The following CDYL2 variants were observed in gnomAD, a reference collection of about 807,000 sequenced individuals.
CDYL2 encodes the protein chromodomain Y-like protein 2.
In CDYL2, 23 loss-of-function variants were observed where a neutral mutation model predicts 49.4. That is an observed-to-expected ratio of 0.47 (90% CI 0.34 to 0.66). The LOEUF (loss-of-function observed/expected upper bound fraction) is 0.66. Among genes scored for constraint, CDYL2 ranks in the 30% least tolerant of loss-of-function variants. CDYL2 has a pLI of 0.01. For synonymous variants in CDYL2, 360 were observed against 268.8 expected (o/e 1.34, Z -3.32); for missense variants, 678 against 656.4 (o/e 1.03, Z -0.36).
intron 1 of CDYL2, among the ~76,000 whole-genome samples, chr16:80,779,047 T>C (rs1305123295): frequency 6.6e-6 from 1 of 151,960 alleles, no homozygotes; most frequent in African/African-American, 2.4e-5. Context: ...TGCTTACATA[T>C]TTTGTCATGA....
At chr16:80,757,366 C>A (rs1221822628) in intron 1 of CDYL2, among the ~76,000 whole-genome samples, 3 of 151,688 alleles carry the variant, frequency 2.0e-5, no homozygotes, top group Non-Finnish European at 4.4e-5. Flanking sequence ...ATAGCAAGAC[C>A]CTGTCTTTAC....
chr16:80,792,867 TGGAAC>T (rs1333667361), intron 1 of CDYL2, among the ~76,000 whole-genome samples: 1 of 152,062 alleles, frequency 6.6e-6, no homozygotes, highest in Non-Finnish European at 1.5e-5. Flanking sequence ...CCCCTTCCCA[TGGAAC>T]AGCCTACCAG....
intron 1 of CDYL2, among the ~76,000 whole-genome samples, chr16:80,763,221 G>C (rs1906592176): frequency 1.3e-5 from 2 of 151,186 alleles, no homozygotes; most frequent in African/African-American, 4.9e-5. Context: ...CAACTTTATA[G>C]AATGTAATAA....
intron 1 of CDYL2, among the ~76,000 whole-genome samples, chr16:80,759,140 G>GTT (rs1906437427): frequency 2.4e-5 from 1 of 42,178 alleles, no homozygotes; most frequent in African/African-American, 1.2e-4. Flanking sequence ...ATATATATAT[G>GTT]GTTTATATAA....
intron 1 of CDYL2, among the ~76,000 whole-genome samples, chr16:80,712,918 T>C (rs1434950521): frequency 6.6e-6 from 1 of 152,018 alleles, no homozygotes; most frequent in African/African-American, 2.4e-5. Flanking sequence ...TGATAGCAAA[T>C]GTGGACTTCC....
chr16:80,720,328 C>G (rs943301925), intron 1 of CDYL2, among the ~76,000 whole-genome samples: 9 of 152,186 alleles, frequency 5.9e-5, no homozygotes, highest in African/African-American at 1.9e-4. Context: ...GAGACAAAAA[C>G]TAGGCACTGG....
chr16:80,725,447 T>G (rs1905134377), intron 1 of CDYL2, among the ~76,000 whole-genome samples: 1 of 152,232 alleles, frequency 6.6e-6, no homozygotes, highest in Non-Finnish European at 1.5e-5. Context: ...TGTAGCTGGC[T>G]CTATATCTGT....
chr16:80,707,200 C>G (rs1904435031), intron 1 of CDYL2, among the ~76,000 whole-genome samples: 1 of 152,176 alleles, frequency 6.6e-6, no homozygotes. Flanking sequence ...CAGTGGCTTA[C>G]ACTGGTAATC....
intron 2 of CDYL2, among the ~76,000 whole-genome samples, chr16:80,646,487 C>T (rs1421531412): frequency 2.6e-5 from 4 of 151,806 alleles, no homozygotes; most frequent in Admixed American, 2.6e-4. Flanking sequence ...GACAGAGTGG[C>T]TGAATTAAAA....
intron 1 of CDYL2, among the ~76,000 whole-genome samples, chr16:80,719,186 C>A (rs980453924): frequency 6.6e-6 from 1 of 152,058 alleles, no homozygotes; most frequent in African/African-American, 2.4e-5. Context: ...GTCACTGACC[C>A]CCGTGAATGC....
intron 2 of CDYL2, among the ~76,000 whole-genome samples, chr16:80,680,088 T>C (rs1444627181): frequency 6.6e-6 from 1 of 152,200 alleles, no homozygotes; most frequent in Non-Finnish European, 1.5e-5. Flanking sequence ...ATGATAATCA[T>C]GTTGAAAGAG....
intron 6 of CDYL2, 69 bp downstream of exon 6, chr16:80,608,023 G>T: frequency 2.0e-6 from 3 of 1,479,348 alleles, no homozygotes; most frequent in Non-Finnish European, 2.7e-6. Flanking sequence ...AGCCCTCTGA[G>T]CCTTGCTGTC....
chr16:80,787,904 C>A (rs1177861048), intron 1 of CDYL2, among the ~76,000 whole-genome samples: 1 of 152,098 alleles, frequency 6.6e-6, no homozygotes, highest in African/African-American at 2.4e-5. Context: ...TTGCTAGAAT[C>A]TGGGATTATC....
rs550180555 is a variant in CDYL2 at position 80,763,421 on chromosome 16, T to A, written c.24+40729A>T. 6.5e-5 allele frequency among the ~76,000 whole-genome samples: 5 copies of A among 76,916 alleles called. No homozygotes were observed. In the East Asian group the frequency reaches 1.8e-3, roughly 28 times the overall value. 50.5% of individuals were successfully genotyped at this position (76,916 alleles called of 152,430 possible). On this transcript the variant is annotated intron_variant, in intron 1 of 6. Coordinates refer to ENST00000570137, the MANE Select transcript of CDYL2 (RefSeq NM_152342.4). ...AGGTCAGAGATCAGCCTGGCCAACA[T>A]GGTGAAACCCTGTCTCTATCAAAAA...
At chr16:80,770,352 G>C (rs768971358) in intron 1 of CDYL2, among the ~76,000 whole-genome samples, 20 of 152,136 alleles carry the variant, frequency 1.3e-4, no homozygotes, top group Admixed American at 2.0e-4. Flanking sequence ...AGAACCAGAA[G>C]GAATTATTCA....
At chr16:80,787,080 A>T (rs1907461180) in intron 1 of CDYL2, among the ~76,000 whole-genome samples, 1 of 152,148 alleles carries the variant, frequency 6.6e-6, no homozygotes, top group Non-Finnish European at 1.5e-5. Flanking sequence ...TAAAAAAAAA[A>T]GACGAAGAAG....
Position 80,604,505 on chromosome 16 carries a change from T to G in CDYL2, c.1404A>C (p.Lys468Asn). ...TCTCGTTCACGTCTTCCAGCACTGA[T>G]TTCAGGAAGCTCCGCACGAGGCATT... ...ESKCLVRSFL[K>N]SVLEDVNEKE... The change falls in exon 7 of 7, where the codon AAA becomes AAC. Residue 468 changes from lysine (K) to asparagine (N), a missense_variant. Around this residue, in one of 3 missense-constraint regions of CDYL2, gnomAD observed 153 missense variants for 150.6 expected, o/e 1.02. Transcript: ENST00000570137. 1 of 1,614,190 alleles carries G rather than the reference T, an allele frequency of 6.2e-7. No individual in the cohort carries two copies. Among genetic ancestry groups the G allele is most frequent in the Non-Finnish European group, 8.5e-7 (1 of 1,180,030 alleles).
intron 1 of CDYL2, among the ~76,000 whole-genome samples, chr16:80,729,130 G>T (rs975861509): frequency 3.9e-5 from 6 of 152,184 alleles, no homozygotes; most frequent in African/African-American, 1.4e-4. Context: ...TGGACTAAAT[G>T]CTCCAATTAA....
chr16:80,734,705 G>C (rs950397083), intron 1 of CDYL2, among the ~76,000 whole-genome samples: 1 of 152,172 alleles, frequency 6.6e-6, no homozygotes, highest in African/African-American at 2.4e-5. Context: ...TGGGAGCACA[G>C]ATATACCTGC....
Sources: allele counts gnomAD v4.1 joint callset (sites outside exome capture counted in the v4.1 genomes callset), GRCh38; gene constraint gnomAD v4.1.1; regional missense constraint gnomAD v4.1.1; transcripts MANE v1.5; gene names NCBI Gene and HGNC (gene_info 2026-07-23, HGNC 2026-07-21).